Variants in MDGA2 observed in about 807,000 individuals in gnomAD.
MDGA2 encodes MAM domain-containing glycosylphosphatidylinositol anchor protein 2.
MDGA2 carries 40 observed loss-of-function variants against 117.8 expected under a neutral mutation model. The ratio of observed to expected loss-of-function variants is 0.34; its 90% CI spans 0.26 to 0.44. MDGA2 has a LOEUF of 0.44. Ranked by LOEUF, MDGA2 falls within the 20% of genes least tolerant of loss-of-function variation. The pLI is 1.00. For synonymous variants in MDGA2, 452 were observed against 439.0 expected (o/e 1.03, Z -0.37); for missense variants, 1,123 against 1,250.6 (o/e 0.90, Z 1.54).
chr14:47,167,033 A>T (rs1354913743), intron 3 of MDGA2, among the ~76,000 whole-genome samples: 3 of 152,108 alleles, frequency 2.0e-5, no homozygotes, highest in African/African-American at 7.2e-5. Context: ...ATTGGGAAAA[A>T]TTAACAATAC....
chr14:46,973,454 T>G (rs1223319823), intron 8 of MDGA2, among the ~76,000 whole-genome samples: 1 of 152,136 alleles, frequency 6.6e-6, no homozygotes, highest in African/African-American at 2.4e-5. Context: ...GATCAGCCCC[T>G]TTGAGAAACA....
rs555248303 is a variant in MDGA2 at position 47,107,113 on chromosome 14, G to A, written c.926-9990C>T. ...CACCTCTACTCCCTCCTTGGCGACCGATCATGCACCCCTTACCATCTCATT... is the reference window on the plus strand; with the variant it reads ...CACCTCTACTCCCTCCTTGGCGACCAATCATGCACCCCTTACCATCTCATT... On this transcript the variant is annotated intron_variant, in intron 5 of 16. Transcript: ENST00000399232. Among the ~76,000 whole-genome samples the A allele has an allele frequency of 8.2e-4, 121 of 147,302 alleles. 1 individual carries two copies. The highest frequency in any genetic ancestry group is 2.9e-3 in the African/African-American group (114 of 39,286).
At chr14:47,560,572 T>C (rs574478980) in intron 1 of MDGA2, among the ~76,000 whole-genome samples, 1 of 152,274 alleles carries the variant, frequency 6.6e-6, no homozygotes, top group South Asian at 2.1e-4. Context: ...TGCTTGTAAA[T>C]TTGCTTTGTA....
At chr14:47,195,988 A>T (rs1885275191) in intron 3 of MDGA2, among the ~76,000 whole-genome samples, 1 of 152,084 alleles carries the variant, frequency 6.6e-6, no homozygotes, top group South Asian at 2.1e-4. Context: ...TAGTCCAGGC[A>T]TTTAGTCATA....
At chr14:47,479,081 A>C (rs1893900239) in intron 1 of MDGA2, among the ~76,000 whole-genome samples, 1 of 152,226 alleles carries the variant, frequency 6.6e-6, no homozygotes. Context: ...TTAATTTGCA[A>C]GGTGATTTGC....
intron 1 of MDGA2, among the ~76,000 whole-genome samples, chr14:47,655,441 C>T (rs1235892731): frequency 1.3e-5 from 2 of 152,062 alleles, no homozygotes; most frequent in East Asian, 1.9e-4. Context: ...AAGAACATTA[C>T]ACTGGTCCAT....
intron 8 of MDGA2, among the ~76,000 whole-genome samples, chr14:46,969,534 T>C (rs1313963305): frequency 6.6e-6 from 1 of 152,222 alleles, no homozygotes; most frequent in Non-Finnish European, 1.5e-5. Context: ...GTCTGTTGGC[T>C]GCATAAATGT....
intron 3 of MDGA2, among the ~76,000 whole-genome samples, chr14:47,154,230 A>G (rs1267264636): frequency 2.6e-5 from 4 of 152,178 alleles, no homozygotes; most frequent in African/African-American, 9.7e-5. Flanking sequence ...AAAATGCCCA[A>G]TGTTTGAAAT....
intron 2 of MDGA2, among the ~76,000 whole-genome samples, chr14:47,285,338 T>G (rs1234774996): frequency 1.3e-5 from 2 of 150,708 alleles, no homozygotes; most frequent in African/African-American, 4.8e-5. Context: ...TTGATTTTTT[T>G]TCCTTTTCTA....
At chr14:47,187,557 T>G in intron 3 of MDGA2, among the ~76,000 whole-genome samples, 1 of 152,098 alleles carries the variant, frequency 6.6e-6, no homozygotes, top group East Asian at 1.9e-4. Flanking sequence ...GTGACTCTAG[T>G]TCATTCATTT....
At chr14:47,595,981 A>G (rs1422169196) in intron 1 of MDGA2, among the ~76,000 whole-genome samples, 3 of 152,224 alleles carry the variant, frequency 2.0e-5, no homozygotes, top group Non-Finnish European at 4.4e-5. Flanking sequence ...TTTTTATAAA[A>G]TCATAGAACA....
intron 2 of MDGA2, among the ~76,000 whole-genome samples, chr14:47,223,903 A>G (rs1458373366): frequency 6.6e-6 from 1 of 152,122 alleles, no homozygotes; most frequent in Admixed American, 6.6e-5. Flanking sequence ...GAGAAGTGCC[A>G]AGCAAAGCTG....
intron 2 of MDGA2, among the ~76,000 whole-genome samples, chr14:47,231,935 A>G (rs1230805825): frequency 6.6e-6 from 1 of 152,090 alleles, no homozygotes; most frequent in Non-Finnish European, 1.5e-5. Context: ...TGACTTTTGT[A>G]CAAAGATGGT....
At chr14:47,238,849 C>G (rs1276198413) in intron 2 of MDGA2, among the ~76,000 whole-genome samples, 1 of 151,512 alleles carries the variant, frequency 6.6e-6, no homozygotes, top group Non-Finnish European at 1.5e-5. Flanking sequence ...ATGACTAATG[C>G]AGAGGACCCC....
chr14:47,286,612 A>C (rs1034049440), intron 2 of MDGA2, among the ~76,000 whole-genome samples: 4 of 151,844 alleles, frequency 2.6e-5, no homozygotes, highest in African/African-American at 9.7e-5. Context: ...TATACACTAC[A>C]TGTCCATTAT....
At chr14:47,195,340 A>C (rs1416838587) in intron 3 of MDGA2, among the ~76,000 whole-genome samples, 3 of 152,058 alleles carry the variant, frequency 2.0e-5, no homozygotes, top group Non-Finnish European at 4.4e-5. Context: ...AAATATTCTC[A>C]AATCTCCAAG....
intron 2 of MDGA2, among the ~76,000 whole-genome samples, chr14:47,293,508 C>T (rs895959171): frequency 1.3e-5 from 2 of 152,152 alleles, no homozygotes; most frequent in African/African-American, 4.8e-5. Context: ...GAATACTCCA[C>T]CTACTTTGTT....
chr14:47,530,353 T>C (rs894139574), intron 1 of MDGA2, among the ~76,000 whole-genome samples: 2 of 152,220 alleles, frequency 1.3e-5, no homozygotes, highest in Non-Finnish European at 2.9e-5. Context: ...GTAACCAGCT[T>C]TTCCTGCCAC....
At chr14:47,598,177 A>G (rs2138872486) in intron 1 of MDGA2, among the ~76,000 whole-genome samples, 1 of 152,270 alleles carries the variant, frequency 6.6e-6, no homozygotes, top group South Asian at 2.1e-4. Flanking sequence ...AAAATAACAA[A>G]TGTTAGTAAG....
Sources: gnomAD v4.1 joint callset for allele counts (sites outside exome capture counted in the v4.1 genomes callset) on GRCh38, gnomAD v4.1.1 for gene constraint, MANE v1.5 for transcripts, NCBI Gene and HGNC (gene_info 2026-07-23, HGNC 2026-07-21) for gene names.